Variants in TOPBP1 observed in about 807,000 individuals in gnomAD.
TOPBP1 encodes DNA topoisomerase II binding protein 1.
A neutral mutation model predicts 167.7 loss-of-function variants in TOPBP1; 28 were observed. The observed-to-expected ratio is 0.17, with a 90% CI of 0.12 to 0.23. The LOEUF (loss-of-function observed/expected upper bound fraction) is 0.23. Among genes scored for constraint, TOPBP1 ranks in the 10% least tolerant of loss-of-function variants. The pLI, the probability that TOPBP1 is intolerant of heterozygous loss-of-function variation, is 1.00. For missense variants in TOPBP1, 1,554 were observed against 1,809.6 expected, an observed-to-expected ratio of 0.86 and a Z score of 2.56; for synonymous variants, 598 against 611.4, an observed-to-expected ratio of 0.98 and a Z score of 0.32.
At chr3:133,620,378 G>T in intron 19 of TOPBP1, 31 bp from the exon 20 acceptor site, 1 of 1,591,190 alleles carries the variant, frequency 6.3e-7, no homozygotes, top group Non-Finnish European at 8.5e-7. Flanking sequence ...ACCATTCAAG[G>T]TAAGTTCCTC....
chr3:133,605,916 C>A (rs1934477067), intron 27 of TOPBP1, among the ~76,000 whole-genome samples: 2 of 152,124 alleles, frequency 1.3e-5, no homozygotes, highest in Non-Finnish European at 2.9e-5. Flanking sequence ...GACTGACAGG[C>A]AAGGCACAGT....
At position 133,623,408 on chromosome 3, in the gene TOPBP1, T is replaced by G; in HGVS notation, c.2978A>C (p.Tyr993Ser). 6.2e-7 allele frequency: 1 copy of G among 1,613,066 alleles called. No homozygotes were observed. Among genetic ancestry groups the G allele is most frequent in the Non-Finnish European group, 8.5e-7 (1 of 1,179,458 alleles). The change falls in exon 18 of 28, where the codon TAT becomes TCT. Residue 993 changes from tyrosine (Y) to serine (S), a missense_variant. Tyr to Ser is a moderately radical substitution (Grantham distance 144). Transcript: ENST00000260810. ...GATATCCAAGCTCATTTTGGGATTA[T>G]AAGTATGTGGATAAAGAGATTCAGG... Reference protein sequence around the residue: ...HLPESLYPHTYNPKMSLDISA... With the variant: ...HLPESLYPHTSNPKMSLDISA...
In TOPBP1 at chr3:133,611,102, C is replaced by T. The variant is rs1241022508; in HGVS notation, c.4075G>A (p.Val1359Ile). ...YEWGSSSILD[V>I]LTGINVQQRR... is the part of the protein sequence containing the mutation. ...TGCTGTACATTGATTCCAGTCAGAA[C>T]ATCAAGTATGGAACTACTTCCCCAT... is the stretch of plus-strand genomic sequence containing the variant. Residue 1359 changes from valine to isoleucine, a missense_variant, in exon 25 of 28, where the codon GTT (valine) becomes ATT (isoleucine). Physicochemically the swap from Val to Ile is conservative, Grantham distance 29. Coordinates refer to ENST00000260810, the MANE Select transcript of TOPBP1 (RefSeq NM_007027.4). 1.2e-6 allele frequency: 2 copies of T among 1,613,026 alleles called. No homozygotes were observed. Among genetic ancestry groups the T allele is most frequent in the Non-Finnish European group, 8.5e-7 (1 of 1,179,402 alleles).
At chr3:133,634,282 GCAGA>G (rs1211646854) in intron 14 of TOPBP1, among the ~76,000 whole-genome samples, 1 of 152,224 alleles carries the variant, frequency 6.6e-6, no homozygotes, top group East Asian at 1.9e-4. Context: ...GCCAAGGCAG[GCAGA>G]TCACTTGATA....
At chr3:133,627,875 A>T (rs993447946) in intron 16 of TOPBP1, among the ~76,000 whole-genome samples, 3 of 106,818 alleles carry the variant, frequency 2.8e-5, no homozygotes, top group African/African-American at 8.7e-5. Flanking sequence ...TCCAAAGTTT[A>T]AAAAAAAAAA....
chr3:133,625,955 T>C (rs1275106882), intron 16 of TOPBP1, among the ~76,000 whole-genome samples: 1 of 152,206 alleles, frequency 6.6e-6, no homozygotes, highest in Non-Finnish European at 1.5e-5. Context: ...CTGAATCAAT[T>C]TGGTTTACCA....
chr3:133,657,023 A>G (rs1366219919), intron 4 of TOPBP1, among the ~76,000 whole-genome samples, 166 bp from the exon 5 acceptor site: 1 of 152,198 alleles, frequency 6.6e-6, no homozygotes, highest in Non-Finnish European at 1.5e-5. Flanking sequence ...GGAGATAAGT[A>G]TGAATTATAT....
At chr3:133,603,275 G>T (rs1451299633) in intron 27 of TOPBP1, among the ~76,000 whole-genome samples, 1 of 151,896 alleles carries the variant, frequency 6.6e-6, no homozygotes. Flanking sequence ...AAGGCCAATG[G>T]ATAAAATAAA....
rs771751235 is a variant in TOPBP1 at position 133,649,628 on chromosome 3, T to G, written c.1259A>C (p.His420Pro). The change falls in exon 10 of 28, where the codon CAT (histidine) becomes CCT (proline). Residue 420 changes from histidine to proline, a missense_variant. Around this residue, in one of 3 missense-constraint regions of TOPBP1, gnomAD observed 1,197 missense variants for 1,351.5 expected, o/e 0.89. Coordinates refer to ENST00000260810, the MANE Select transcript of TOPBP1 (RefSeq NM_007027.4). Reference sequence around the variant, plus strand: ...TAGCAACCACTTTGCTCCCACTACATGAGGCCTACAAAAATAGCACATAGT... The same window carrying G: ...TAGCAACCACTTTGCTCCCACTACAGGAGGCCTACAAAAATAGCACATAGT... ...QFWNKSAHRP[H>P]VVGAKWLLEC... The G allele has an allele frequency of 6.2e-7, 1 of 1,613,084 alleles. No homozygotes were observed. Among genetic ancestry groups the G allele is most frequent in the Admixed American group, 1.7e-5 (1 of 59,936 alleles).
chr3:133,643,468 A>T lies in TOPBP1; in HGVS notation c.1849-96T>A, dbSNP rs1056080075. 6 of 1,111,650 alleles carry T rather than the reference A, an allele frequency of 5.4e-6. No homozygotes were observed. In the African/African-American group the frequency reaches 9.7e-5, roughly 18 times the overall value. The allele number at this position is 1,111,650 out of a possible 1,614,324, so 68.9% of individuals were successfully genotyped here. A position where few individuals can be genotyped will look rare whatever the true frequency, so the allele number is the denominator to read the frequency against. On this transcript the variant is annotated intron_variant, in intron 11 of 27. Coordinates refer to ENST00000260810, the MANE Select transcript of TOPBP1 (RefSeq NM_007027.4). ...CAGAAGCAATAATTTAGTTTTGATA[A>T]GAAGAAATTTTACTTTAATACAAAC...
chr3:133,640,888 T>C (rs533056586), intron 12 of TOPBP1, among the ~76,000 whole-genome samples: 8 of 152,260 alleles, frequency 5.3e-5, no homozygotes, highest in Admixed American at 2.6e-4. Flanking sequence ...TATTTAAGTA[T>C]AGACATGGGA....
chr3:133,612,044 CTT>C (rs869235055), intron 24 of TOPBP1, among the ~76,000 whole-genome samples: 9 of 140,994 alleles, frequency 6.4e-5, no homozygotes, highest in Admixed American at 1.4e-4. Flanking sequence ...CCAACACTTA[CTT>C]TTTTTTTTTT....
chr3:133,640,782 A>G (rs905240685), intron 12 of TOPBP1, among the ~76,000 whole-genome samples: 14 of 152,180 alleles, frequency 9.2e-5, no homozygotes, highest in Non-Finnish European at 1.6e-4. Flanking sequence ...AGAAAAAATG[A>G]CAGGAGCAAA....
intron 25 of TOPBP1, among the ~76,000 whole-genome samples, chr3:133,610,719 A>G (rs1255117558): frequency 1.3e-5 from 2 of 152,106 alleles, no homozygotes; most frequent in African/African-American, 4.8e-5. Flanking sequence ...CTCCCCATGC[A>G]AAGTACATGG....
chr3:133,609,124 C>A (rs1306487371), intron 25 of TOPBP1, among the ~76,000 whole-genome samples, 162 bp from the exon 26 acceptor site: 2 of 152,164 alleles, frequency 1.3e-5, no homozygotes, highest in Non-Finnish European at 2.9e-5. Flanking sequence ...AAACGTGAAT[C>A]CATGGTATCT....
In TOPBP1 at chr3:133,608,640, G is replaced by A. The variant is rs1278109458; in HGVS notation, c.4320C>T (p.Asp1440=). Residue 1440 remains aspartate, a synonymous_variant, in exon 27 of 28, where the codon GAC becomes GAT. Coordinates refer to ENST00000260810, the MANE Select transcript of TOPBP1 (RefSeq NM_007027.4). The part of the protein sequence containing the change: ...LFKEATHLFS[D]LNKLKPDDSG... ...AGTCATCTGGTTTCAGTTTATTCAA[G>A]TCAGAAAAAAGATGTGTGGCCTCTT... 1 of 1,613,604 alleles carries A rather than the reference G, an allele frequency of 6.2e-7. No homozygotes were observed. The highest frequency in any genetic ancestry group is 1.1e-5 in the South Asian group (1 of 91,076).
chr3:133,625,895 G>A (rs1474530963), intron 16 of TOPBP1, among the ~76,000 whole-genome samples: 5 of 152,090 alleles, frequency 3.3e-5, no homozygotes, highest in East Asian at 1.9e-4. Flanking sequence ...CCCTTTCTGC[G>A]TAGTGGTATA....
chr3:133,642,032 C>T (rs1375214392), intron 12 of TOPBP1, among the ~76,000 whole-genome samples: 1 of 152,054 alleles, frequency 6.6e-6, no homozygotes, highest in Non-Finnish European at 1.5e-5. Flanking sequence ...TTTTGTTGCC[C>T]TGGCTGGAGT....
At chr3:133,629,888 G>A (rs1158504214) in intron 14 of TOPBP1, among the ~76,000 whole-genome samples, 6 of 152,040 alleles carry the variant, frequency 3.9e-5, no homozygotes. Context: ...CTGGGTTCAA[G>A]CGATTCTCCT....
Sources: allele counts gnomAD v4.1 joint callset (sites outside exome capture counted in the v4.1 genomes callset), GRCh38; gene constraint gnomAD v4.1.1; regional missense constraint gnomAD v4.1.1; transcripts MANE v1.5; gene names NCBI Gene and HGNC (gene_info 2026-07-23, HGNC 2026-07-21).